CARMIL1: variants seen among roughly 807,000 people sequenced by gnomAD.
CARMIL1 encodes F-actin-uncapping protein LRRC16A.
Under a neutral mutation model 177.1 loss-of-function variants are expected in CARMIL1, and 90 were observed. The observed-to-expected ratio is 0.51, with a 90% CI of 0.43 to 0.61. CARMIL1 has a LOEUF of 0.61. CARMIL1 is among the 20% of genes least tolerant of loss of function. CARMIL1 has a pLI of 0.00. For missense variants in CARMIL1, 1,380 were observed against 1,667.0 expected (o/e 0.83, Z 3.00); for synonymous variants, 577 against 606.2 (o/e 0.95, Z 0.71).
At chr6:25,450,036 G>A (rs748846299) in intron 6 of CARMIL1, 41 bp downstream of exon 6, 43 of 1,484,460 alleles carry the variant, frequency 2.9e-5, no homozygotes, top group Non-Finnish European at 3.0e-5. Flanking sequence ...ATAGCTGGAT[G>A]GATATCCCCC....
At position 25,325,724 on chromosome 6, in the gene CARMIL1, A is replaced by G. The variant is rs150516879; in HGVS notation, c.138+40815A>G. ...GTGCTGAAGATACAGCAGATGTAAC[A>G]GATATGGCTTGATTAGTCTTGCTAG... is the stretch of plus-strand genomic sequence containing the variant. On this transcript the variant is annotated intron_variant, in intron 2 of 36. Coordinates refer to ENST00000329474, the MANE Select transcript of CARMIL1 (RefSeq NM_017640.6). Among the ~76,000 whole-genome samples, 16 of 152,352 alleles carry G rather than the reference A, an allele frequency of 1.1e-4. No individual in the cohort carries two copies. The East Asian group carries it at 2.3e-3, about 22-fold the overall frequency.
In CARMIL1 at chr6:25,459,266, C is replaced by CTTTCTTTCTTTCTTTCTTTCTTTTCT; in HGVS notation, c.615-6604_615-6603insCTTTCTTTCTTTCTTTCTTTTCTTTT. 7.2e-4 allele frequency among the ~76,000 whole-genome samples: 53 copies of CTTTCTTTCTTTCTTTCTTTCTTTTCT among 73,772 alleles called. 4 individuals carry two copies. The highest frequency in any genetic ancestry group is 1.3e-3 in the Non-Finnish European group (43 of 33,894). 48.4% of individuals were successfully genotyped at this position (73,772 alleles called of 152,430 possible). A position where few individuals can be genotyped will look rare whatever the true frequency, so the allele number is the denominator to read the frequency against. ...TCTTTCTTTCTTTCTTTCTTTCTTT[C>CTTTCTTTCTTTCTTTCTTTCTTTTCT]TTTTTTTTTTTTTTAAGACAGGGTC... On this transcript the variant is annotated intron_variant, in intron 8 of 36. Transcript: ENST00000329474.
intron 5 of CARMIL1, among the ~76,000 whole-genome samples, chr6:25,436,682 C>T (rs946902247): frequency 6.6e-6 from 1 of 152,224 alleles, no homozygotes; most frequent in Non-Finnish European, 1.5e-5. Flanking sequence ...CCCTTCCCCC[C>T]ATGGTGGGAG....
intron 9 of CARMIL1, among the ~76,000 whole-genome samples, chr6:25,468,861 C>T (rs1360509913): frequency 6.6e-6 from 1 of 152,164 alleles, no homozygotes; most frequent in Non-Finnish European, 1.5e-5. Context: ...TATAAATCTT[C>T]AAAGCATTAT....
chr6:25,614,577 C>T (rs1231950531), intron 36 of CARMIL1, among the ~76,000 whole-genome samples: 3 of 152,130 alleles, frequency 2.0e-5, no homozygotes, highest in African/African-American at 7.2e-5. Flanking sequence ...CTCTATATTG[C>T]CCCTTTTGTT....
In CARMIL1 at chr6:25,515,786, G is replaced by C; in HGVS notation, c.1744G>C (p.Gly582Arg). 6.2e-7 allele frequency: 1 copy of C among 1,611,926 alleles called. No individual in the cohort carries two copies. The highest frequency in any genetic ancestry group is 8.5e-7 in the Non-Finnish European group (1 of 1,179,176). The change falls in exon 21 of 37, where the codon GGA becomes CGA. Residue 582 changes from glycine to arginine, a missense_variant. Coordinates refer to ENST00000329474, the MANE Select transcript of CARMIL1 (RefSeq NM_017640.6). This position sits in a 1 kb window ranked among gnomAD's most constrained non-coding sequence, Gnocchi z 5.0. ...SLTKVDISGN[G>R]MGDMGAKMLA... ...GACCAAAGTGGACATTAGCGGCAAC[G>C]GAATGGGGGACATGGGAGCGAAGAT...
intron 8 of CARMIL1, among the ~76,000 whole-genome samples, chr6:25,462,936 A>G (rs532147512): frequency 2.0e-5 from 3 of 152,348 alleles, no homozygotes; most frequent in African/African-American, 7.2e-5. Context: ...TCTGCTGAAT[A>G]TGATATGTCA....
intron 5 of CARMIL1, among the ~76,000 whole-genome samples, chr6:25,444,604 T>A (rs777851988): frequency 2.0e-5 from 3 of 152,180 alleles, no homozygotes; most frequent in Non-Finnish European, 4.4e-5. Flanking sequence ...ATTCCCACCT[T>A]TGAGTGAGAA....
intron 2 of CARMIL1, among the ~76,000 whole-genome samples, chr6:25,286,489 G>A (rs928574184): frequency 3.3e-5 from 5 of 152,148 alleles, no homozygotes; most frequent in African/African-American, 1.2e-4. Flanking sequence ...TTGTTCTGTT[G>A]TATTTAACTT....
intron 36 of CARMIL1, among the ~76,000 whole-genome samples, chr6:25,618,559 T>C (rs1251240120): frequency 1.3e-5 from 2 of 152,222 alleles, no homozygotes; most frequent in Non-Finnish European, 2.9e-5. Context: ...CATGTTCTAG[T>C]TGGAAAGAAC....
intron 24 of CARMIL1, among the ~76,000 whole-genome samples, chr6:25,534,363 C>T (rs1039922406): frequency 1.1e-4 from 16 of 152,122 alleles, no homozygotes; most frequent in African/African-American, 3.6e-4. Flanking sequence ...CTTAACCCAT[C>T]ATTCCAATCT....
chr6:25,431,892 T>C (rs566321382), intron 4 of CARMIL1, among the ~76,000 whole-genome samples: 1 of 152,306 alleles, frequency 6.6e-6, no homozygotes, highest in African/African-American at 2.4e-5. Flanking sequence ...ACCTTTGAGA[T>C]GAAATTATAG....
Position 25,358,172 on chromosome 6 carries a change from T to C in CARMIL1, c.139-61942T>C, listed in dbSNP as rs547942573. ...AGCAAAATTGTGAGCAGAGTTTGTC[T>C]TGTGTGTTGGCTGTGGTCTTAAAAA... On this transcript the variant is annotated intron_variant, in intron 2 of 36. Coordinates refer to ENST00000329474, the MANE Select transcript of CARMIL1 (RefSeq NM_017640.6). 1.4e-3 allele frequency among the ~76,000 whole-genome samples: 208 copies of C among 152,352 alleles called. 2 individuals carry two copies. The highest frequency in any genetic ancestry group is 6.8e-3 in the Middle Eastern group (2 of 294).
At chr6:25,459,801 T>C (rs142585182) in intron 8 of CARMIL1, among the ~76,000 whole-genome samples, 41 of 152,296 alleles carry the variant, frequency 2.7e-4, no homozygotes, top group African/African-American at 9.9e-4. Context: ...GTAGAAGTAA[T>C]GTTTGGAAAT....
At chr6:25,304,229 TA>T (rs1167229913) in intron 2 of CARMIL1, among the ~76,000 whole-genome samples, 3 of 152,206 alleles carry the variant, frequency 2.0e-5, no homozygotes, top group Non-Finnish European at 4.4e-5. Context: ...AAACGCAGAA[TA>T]ATCTTCCTAA....
intron 5 of CARMIL1, among the ~76,000 whole-genome samples, chr6:25,436,889 A>G (rs151006771): frequency 0.011 from 1,623 of 152,246 alleles, 9 homozygotes; most frequent in Middle Eastern, 0.027. Context: ...CTGCTTGGCT[A>G]GAATTTCAGG....
chr6:25,457,280 A>G (rs193023831), intron 8 of CARMIL1, among the ~76,000 whole-genome samples: 13 of 152,268 alleles, frequency 8.5e-5, no homozygotes, highest in African/African-American at 2.9e-4. Flanking sequence ...GCTGTAGTAC[A>G]TGTATATGAT....
chr6:25,492,151 C>T, intron 15 of CARMIL1, 127 bp downstream of exon 15: 1 of 702,784 alleles, frequency 1.4e-6, no homozygotes, highest in Non-Finnish European at 2.4e-6. Flanking sequence ...TAAGCATTAT[C>T]TATGAATATT....
At position 25,572,896 on chromosome 6, in the gene CARMIL1, C is replaced by G. The variant is rs375134887; in HGVS notation, c.2743-8028C>G. Among the ~76,000 whole-genome samples the G allele has an allele frequency of 3.3e-5, 5 of 152,034 alleles. No homozygotes were observed. In the East Asian group the frequency reaches 7.7e-4, roughly 23 times the overall value. ...CTATTTTATCTTTGTGCCTAAATGC[C>G]CTTTTTGGTAACAATGGTTGGTACT... On this transcript the variant is annotated intron_variant, in intron 29 of 36. Transcript: ENST00000329474.
Sources: allele counts gnomAD v4.1 joint callset (sites outside exome capture counted in the v4.1 genomes callset), GRCh38; gene constraint gnomAD v4.1.1; non-coding constraint Gnocchi (gnomAD v3.1); transcripts MANE v1.5; gene names NCBI Gene and HGNC (gene_info 2026-07-23, HGNC 2026-07-21).